The following HHLA2 variants were observed in gnomAD, a reference collection of about 807,000 sequenced individuals.
HHLA2 encodes HHLA2 member of B7 family.
A neutral mutation model predicts 45.9 loss-of-function variants in HHLA2; 48 were observed. The ratio of observed to expected loss-of-function variants is 1.05; its 90% CI spans 0.83 to 1.33. The LOEUF (loss-of-function observed/expected upper bound fraction) is 1.33. HHLA2 is among the 40% of genes most tolerant of loss of function. The probability of loss-of-function intolerance (pLI) is 0.00; values close to 1 mark genes in which losing one functional copy is unlikely to be tolerated. For synonymous variants in HHLA2, 161 were observed against 173.9 expected (o/e 0.93, Z 0.59); for missense variants, 462 against 494.3 (o/e 0.93, Z 0.62).
chr3:108,315,832 C>A (rs1387329430), intron 2 of HHLA2, among the ~76,000 whole-genome samples: 1 of 152,136 alleles, frequency 6.6e-6, no homozygotes, highest in Admixed American at 6.5e-5. Flanking sequence ...CTACCTGGCC[C>A]TTAAAGCTAC....
At chr3:108,327,597 T>C (rs1560211577) in intron 2 of HHLA2, among the ~76,000 whole-genome samples, 1 of 152,220 alleles carries the variant, frequency 6.6e-6, no homozygotes, top group Admixed American at 6.5e-5. Flanking sequence ...CAATCTATTG[T>C]TGCTAATTTC....
At position 108,350,024 on chromosome 3, in the gene HHLA2, T is replaced by A. The variant is rs546991289; in HGVS notation, c.-26-1764T>A. On this transcript the variant is annotated intron_variant, in intron 3 of 10. Coordinates refer to ENST00000619531, the Ensembl canonical transcript of HHLA2. ...AGTAATTAAATTTCAAGGTTTTTTTTAATGGCATATAGAGGCAAAAGGTAT... is the reference window on the plus strand; with the variant it reads ...AGTAATTAAATTTCAAGGTTTTTTTAAATGGCATATAGAGGCAAAAGGTAT... 3.4e-3 allele frequency among the ~76,000 whole-genome samples: 512 copies of A among 152,336 alleles called. 7 individuals carry two copies. The highest frequency in any genetic ancestry group is 0.012 in the African/African-American group (495 of 41,578).
intron 3 of HHLA2, among the ~76,000 whole-genome samples, chr3:108,335,590 A>G (rs2081458913): frequency 1.3e-5 from 2 of 152,234 alleles, no homozygotes; most frequent in Non-Finnish European, 2.9e-5. Flanking sequence ...GGTCAAGAAC[A>G]TAGAAGAAGA....
chr3:108,349,371 C>T (rs4613459), intron 3 of HHLA2, among the ~76,000 whole-genome samples: 87,113 of 151,746 alleles, frequency 0.57, 25,508 homozygotes, highest in Middle Eastern at 0.63. Context: ...AACACCTCTA[C>T]GCAAATAAAC....
At chr3:108,344,302 C>T (rs1467343543) in intron 3 of HHLA2, among the ~76,000 whole-genome samples, 1 of 151,972 alleles carries the variant, frequency 6.6e-6, no homozygotes, top group Non-Finnish European at 1.5e-5. Context: ...CAAATATGTA[C>T]AAAAAAGTCC....
intron 8 of HHLA2, among the ~76,000 whole-genome samples, chr3:108,367,043 C>A (rs1313536342): frequency 6.6e-6 from 1 of 152,220 alleles, no homozygotes; most frequent in African/African-American, 2.4e-5. Flanking sequence ...GCAGCATCCA[C>A]TGGTGATACC....
chr3:108,369,681 A>G (rs542555776), intron 8 of HHLA2, among the ~76,000 whole-genome samples: 2 of 152,192 alleles, frequency 1.3e-5, no homozygotes, highest in African/African-American at 4.8e-5. Flanking sequence ...TGCATGACTC[A>G]GAGGGTCCTA....
chr3:108,372,210 C>T (rs1036004652), intron 8 of HHLA2, among the ~76,000 whole-genome samples: 2 of 152,210 alleles, frequency 1.3e-5, no homozygotes, highest in African/African-American at 4.8e-5. Flanking sequence ...ACTGAACAAC[C>T]TGCTCCTGAA....
intron 3 of HHLA2, among the ~76,000 whole-genome samples, chr3:108,340,342 A>C (rs990160670): frequency 3.9e-5 from 6 of 152,210 alleles, no homozygotes. Flanking sequence ...CTGCCTGAGC[A>C]GATGGGGGCA....
chr3:108,359,123 T>C (rs9288868), intron 7 of HHLA2, among the ~76,000 whole-genome samples: 84,946 of 151,736 alleles, frequency 0.56, 24,403 homozygotes, highest in Middle Eastern at 0.63. Flanking sequence ...AAAATACAGT[T>C]AAGCCTGCAA....
rs545867368 is a variant in HHLA2 at position 108,304,764 on chromosome 3, C to T, written c.-191-5891C>T. Among the ~76,000 whole-genome samples, 6 of 152,284 alleles carry T rather than the reference C, an allele frequency of 3.9e-5. No homozygotes were observed. In the South Asian group the frequency reaches 1.2e-3, roughly 32 times the overall value. On this transcript the variant is annotated intron_variant, in intron 1 of 10. Coordinates refer to ENST00000619531, the Ensembl canonical transcript of HHLA2. ...TAATCTCTCTAGATCTGGTAAATTG[C>T]TCCTTCAGCCCAGGATGTTAGGGTA...
At chr3:108,374,088 G>C (rs969854695) in intron 8 of HHLA2, among the ~76,000 whole-genome samples, 2 of 151,360 alleles carry the variant, frequency 1.3e-5, no homozygotes, top group East Asian at 1.9e-4. Flanking sequence ...ATACTACAAG[G>C]CTACAGTAAC....
At chr3:108,338,405 A>G (rs1221930571) in intron 3 of HHLA2, among the ~76,000 whole-genome samples, 1 of 152,108 alleles carries the variant, frequency 6.6e-6, no homozygotes, top group East Asian at 1.9e-4. Flanking sequence ...TTACTGGGGA[A>G]GTTTGTAGAA....
At chr3:108,369,398 C>T (rs552370473) in intron 8 of HHLA2, among the ~76,000 whole-genome samples, 21 of 152,284 alleles carry the variant, frequency 1.4e-4, no homozygotes, top group South Asian at 4.1e-4. Context: ...ACGCAGAAGA[C>T]GGGTGATTTC....
At chr3:108,299,251 T>C (rs2080811995) in intron 1 of HHLA2, among the ~76,000 whole-genome samples, 2 of 151,646 alleles carry the variant, frequency 1.3e-5, no homozygotes, top group Non-Finnish European at 2.9e-5. Flanking sequence ...TATATCAACT[T>C]GGCAACAAGG....
chr3:108,321,929 G>T (rs182475134), intron 2 of HHLA2, among the ~76,000 whole-genome samples: 5 of 152,130 alleles, frequency 3.3e-5, no homozygotes, highest in Non-Finnish European at 7.4e-5. Context: ...AATTTCTTAT[G>T]CCATTCTGTT....
At chr3:108,333,598 C>CAAAAAA (rs5851586) in intron 3 of HHLA2, among the ~76,000 whole-genome samples, 3 of 108,238 alleles carry the variant, frequency 2.8e-5, no homozygotes, top group African/African-American at 3.4e-5. Context: ...TCTCAGTAAC[C>CAAAAAA]AAAAAAAAAA....
intron 8 of HHLA2, among the ~76,000 whole-genome samples, chr3:108,374,637 AAAAC>A (rs1437594261): frequency 1.8e-4 from 28 of 151,654 alleles, no homozygotes; most frequent in African/African-American, 4.8e-4. Flanking sequence ...TTACAAGAAA[AAAAC>A]AAACAACCCC....
At chr3:108,342,071 G>C (rs2081580823) in intron 3 of HHLA2, among the ~76,000 whole-genome samples, 1 of 152,146 alleles carries the variant, frequency 6.6e-6, no homozygotes, top group Non-Finnish European at 1.5e-5. Context: ...CTTTTCAATA[G>C]AGGCAGTCGC....
Sources: allele counts gnomAD v4.1 joint callset (sites outside exome capture counted in the v4.1 genomes callset), GRCh38; gene constraint gnomAD v4.1.1; transcripts MANE v1.5; gene names NCBI Gene and HGNC (gene_info 2026-07-23, HGNC 2026-07-21).